HIF3A: variants seen among roughly 807,000 people sequenced by gnomAD.
The protein encoded by HIF3A is hypoxia-inducible factor 3-alpha.
HIF3A carries 41 observed loss-of-function variants against 67.2 expected under a neutral mutation model. The observed-to-expected ratio is 0.61, with a 90% confidence interval of 0.48 to 0.79. HIF3A has a LOEUF of 0.79. Among genes scored for constraint, HIF3A ranks in the 30% least tolerant of loss-of-function variants. HIF3A has a pLI of 0.00. For synonymous variants in HIF3A, 356 were observed against 374.8 expected (o/e 0.95, Z 0.58); for missense variants, 855 against 898.0 (o/e 0.95, Z 0.61).
In HIF3A at chr19:46,308,682, G is replaced by A; in HGVS notation, c.468G>A (p.Val156=). Residue 156 remains valine, a synonymous_variant, in exon 5 of 15, where the codon GTG becomes GTA. Coordinates refer to ENST00000377670, the MANE Select transcript of HIF3A (RefSeq NM_152795.4). The part of the protein sequence containing the change: ...TPQQTLSRRK[V]EAPTERCFSL... ...CCCCAGCCCTGTCCAGGAGGAAGGTGGAGGCCCCCACGGAGCGGTGCTTCT... is the reference window on the plus strand; with the variant it reads ...CCCCAGCCCTGTCCAGGAGGAAGGTAGAGGCCCCCACGGAGCGGTGCTTCT... The A allele has an allele frequency of 6.2e-7, 1 of 1,607,382 alleles. No individual in the cohort carries two copies. The highest frequency in any genetic ancestry group is 8.5e-7 in the Non-Finnish European group (1 of 1,177,328).
At chr19:46,315,866 A>T (rs1386441425) in intron 8 of HIF3A, among the ~76,000 whole-genome samples, 1 of 152,126 alleles carries the variant, frequency 6.6e-6, no homozygotes, top group Non-Finnish European at 1.5e-5. Flanking sequence ...GTGAGCTGAG[A>T]TCACACCGCT....
intron 8 of HIF3A, among the ~76,000 whole-genome samples, chr19:46,319,744 C>T (rs929191320): frequency 1.4e-4 from 22 of 152,078 alleles, no homozygotes; most frequent in African/African-American, 4.3e-4. Flanking sequence ...TCGCTCACCC[C>T]GCTCTTTGCC....
rs1197439918 is a variant in HIF3A, at chr19:46,341,347, G to T, written c.*1725G>T. ...CCCAAATAGCTGGGATTACAGGCAT[G>T]TGCCACCACGCCCAGCTAAGTTTTA... On this transcript the variant is annotated 3_prime_UTR_variant, in exon 15 of 15. Coordinates refer to ENST00000377670, the MANE Select transcript of HIF3A (RefSeq NM_152795.4). The T allele has an allele frequency of 6.6e-6, 1 of 151,838 alleles. No individual in the cohort carries two copies. The highest frequency in any genetic ancestry group is 2.4e-5 in the African/African-American group (1 of 41,326). The allele number at this position is 151,838 out of a possible 1,614,324, so 9.4% of individuals were successfully genotyped here. A position where few individuals can be genotyped will look rare whatever the true frequency, so the allele number is the denominator to read the frequency against.
intron 8 of HIF3A, among the ~76,000 whole-genome samples, chr19:46,316,833 C>A (rs1601283329): frequency 6.6e-6 from 1 of 151,384 alleles, no homozygotes; most frequent in Non-Finnish European, 1.5e-5. Context: ...AAGAATTATA[C>A]CTTTTCTTTG....
At position 46,308,584 on chromosome 19, in the gene HIF3A, T is replaced by C. The variant is rs1022282947; in HGVS notation, c.449-79T>C. 8.3e-5 allele frequency: 70 copies of C among 846,476 alleles called. No individual in the cohort carries two copies. In the Admixed American group the frequency reaches 1.4e-3, roughly 17 times the overall value. The allele number at this position is 846,476 out of a possible 1,614,324, so 52.4% of individuals were successfully genotyped here. A position where few individuals can be genotyped will look rare whatever the true frequency, so the allele number is the denominator to read the frequency against. On this transcript the variant is annotated intron_variant, in intron 4 of 14. Transcript: ENST00000377670. ...TTGTTGGGATGGAGCTGGGGAGGCC[T>C]GAGCAGCCAGGGTGCCGGAGGGCAC...
chr19:46,303,718 T>C, intron 1 of HIF3A, 180 bp from the exon 2 acceptor site: 1 of 1,562,802 alleles, frequency 6.4e-7, no homozygotes. Context: ...GGCTCCACAG[T>C]GTAGCCCTTC....
At chr19:46,318,756 G>A (rs1970130541) in intron 8 of HIF3A, among the ~76,000 whole-genome samples, 2 of 151,762 alleles carry the variant, frequency 1.3e-5, no homozygotes, top group South Asian at 4.2e-4. Flanking sequence ...GAGTAGCTGG[G>A]ACTACAGGCG....
At chr19:46,336,624 C>T (rs146963176) in intron 14 of HIF3A, among the ~76,000 whole-genome samples, 8 of 152,044 alleles carry the variant, frequency 5.3e-5, no homozygotes, top group Middle Eastern at 3.2e-3. Flanking sequence ...TGAGCTCAAG[C>T]GATCCACTCA....
chr19:46,335,257 TTTA>T (rs1343881017), intron 14 of HIF3A, among the ~76,000 whole-genome samples: 1 of 151,052 alleles, frequency 6.6e-6, no homozygotes, highest in African/African-American at 2.4e-5. Context: ...CATTTATTTA[TTTA>T]TTTATTTATT....
chr19:46,318,978 G>A lies in HIF3A; in HGVS notation c.1026-1465G>A, dbSNP rs535007436. ...AAGATCACACCACTGTGTAAGTAGC[G>A]GAGCTGGGATTTGAACCCAGGCCAC... is the stretch of plus-strand genomic sequence containing the variant. On this transcript the variant is annotated intron_variant, in intron 8 of 14. Coordinates refer to ENST00000377670, the MANE Select transcript of HIF3A (RefSeq NM_152795.4). Among the ~76,000 whole-genome samples, 9 of 152,178 alleles carry A rather than the reference G, an allele frequency of 5.9e-5. No homozygotes were observed. In the East Asian group the frequency reaches 7.7e-4, roughly 13 times the overall value.
rs566599979 is a variant in HIF3A, at chr19:46,327,722, C to T, written c.1441-1485C>T. Among the ~76,000 whole-genome samples, 3 of 152,302 alleles carry T rather than the reference C, an allele frequency of 2.0e-5. No individual in the cohort carries two copies. In the South Asian group the frequency reaches 6.2e-4, roughly 32 times the overall value. The stretch of plus-strand genomic sequence containing the variant: ...TACCAATGTGGAGATTCCCAGACTC[C>T]TGTAGACTCCCTCAAGTTTGATAAT... On this transcript the variant is annotated intron_variant, in intron 11 of 14. Transcript: ENST00000377670.
chr19:46,316,443 A>G (rs1969921722), intron 8 of HIF3A, among the ~76,000 whole-genome samples: 1 of 152,070 alleles, frequency 6.6e-6, no homozygotes. Context: ...ATCATGTGTC[A>G]TAGAAGCTTT....
Position 46,308,775 on chromosome 19 carries a change from G to A in HIF3A, c.561G>A (p.Lys187=), listed in dbSNP as rs1214814249. ...TCAACCTCAAGGCGGCCACCTGGAAGGTGCGTGGGGCCGGGCCAGAGGAGG... is the reference window on the plus strand; with the variant it reads ...TCAACCTCAAGGCGGCCACCTGGAAAGTGCGTGGGGCCGGGCCAGAGGAGG... ...RTLNLKAATW[K]VLNCSGHMRA... Residue 187 remains lysine (K), a splice_region_variant and synonymous_variant, in exon 5 of 15, where the codon AAG becomes AAA. Coordinates refer to ENST00000377670, the MANE Select transcript of HIF3A (RefSeq NM_152795.4). 1.9e-6 allele frequency: 3 copies of A among 1,590,594 alleles called. No individual in the cohort carries two copies. Among genetic ancestry groups the A allele is most frequent in the Admixed American group, 1.7e-5 (1 of 57,934 alleles).
At chr19:46,304,132 C>G (rs1329808047) in intron 2 of HIF3A, 44 bp downstream of exon 2, 3 of 1,513,446 alleles carry the variant, frequency 2.0e-6, no homozygotes, top group Non-Finnish European at 2.7e-6. Flanking sequence ...CAGGCCCCGC[C>G]CACGGAAAAA....
Position 46,329,353 on chromosome 19 carries a change from C to T in HIF3A, c.1587C>T (p.Gly529=), listed in dbSNP as rs1428897591. The T allele has an allele frequency of 6.2e-7, 1 of 1,613,094 alleles. No individual in the cohort carries two copies. The highest frequency in any genetic ancestry group is 1.7e-5 in the Admixed American group (1 of 59,990). The change falls in exon 12 of 15, where the codon GGC becomes GGT. Residue 529 remains glycine (G), a synonymous_variant. Transcript: ENST00000377670. ...VPRPRARSFH[G]LSPPALEPSL... Reference sequence around the variant, plus strand: ...GGCCCCGTGCTCGGAGCTTCCATGGCCTGTCACCTCCAGCCCTTGAGCCCT... The same window carrying T: ...GGCCCCGTGCTCGGAGCTTCCATGGTCTGTCACCTCCAGCCCTTGAGCCCT...
At chr19:46,319,934 A>G (rs149903562) in intron 8 of HIF3A, among the ~76,000 whole-genome samples, 194 of 152,254 alleles carry the variant, frequency 1.3e-3, no homozygotes, top group Non-Finnish European at 2.2e-3. Context: ...TCTTTTAAAA[A>G]TGGTGTCAGA....
chr19:46,325,657 A>G lies in HIF3A; in HGVS notation c.1440+18A>G. The G allele has an allele frequency of 6.6e-7, 1 of 1,524,228 alleles. No individual in the cohort carries two copies. Among genetic ancestry groups the G allele is most frequent in the South Asian group, 1.1e-5 (1 of 89,328 alleles). The allele number at this position is 1,524,228 out of a possible 1,614,324, so 94.4% of individuals were successfully genotyped here. The stretch of plus-strand genomic sequence containing the variant: ...TAGCTCAGGTAAGGGCTGGCATGGA[A>G]GGGAGTAATCCTCAGCCCTGTGTTC... On this transcript the variant is annotated intron_variant, in intron 11 of 14. Transcript: ENST00000377670.
chr19:46,308,499 T>G, intron 4 of HIF3A, 164 bp from the exon 5 acceptor site: 1 of 631,778 alleles, frequency 1.6e-6, no homozygotes, highest in Non-Finnish European at 2.7e-6. Flanking sequence ...AGCCCTGCCC[T>G]GGGGGGTCCA....
At chr19:46,334,075 G>T (rs150837638) in intron 13 of HIF3A, among the ~76,000 whole-genome samples, 1 of 150,482 alleles carries the variant, frequency 6.6e-6, no homozygotes, top group African/African-American at 2.5e-5. Flanking sequence ...TTACAGGCGT[G>T]AGCCACCGCG....
Sources: allele counts gnomAD v4.1 joint callset (sites outside exome capture counted in the v4.1 genomes callset), GRCh38; gene constraint gnomAD v4.1.1; transcripts MANE v1.5; gene names NCBI Gene and HGNC (gene_info 2026-07-23, HGNC 2026-07-21).